The following PHYKPL variants were observed in gnomAD, a reference collection of about 807,000 sequenced individuals.
PHYKPL encodes 5-phosphohydroxy-L-lysine phospho-lyase.
A neutral mutation model predicts 51.3 loss-of-function variants in PHYKPL; 42 were observed. The ratio of observed to expected loss-of-function variants is 0.82; its 90% confidence interval spans 0.64 to 1.06. The LOEUF is 1.06. PHYKPL is among the 50% of genes least tolerant of loss of function. PHYKPL has a pLI of 0.00. For synonymous variants in PHYKPL, 264 were observed against 236.0 expected (o/e 1.12, Z -1.09); for missense variants, 655 against 586.6 (o/e 1.12, Z -1.20).
At chr5:178,211,735 G>A (rs755727273) in intron 12 of PHYKPL, 155 bp downstream of exon 12, 4 of 608,208 alleles carry the variant, frequency 6.6e-6, no homozygotes, top group African/African-American at 1.9e-5. Flanking sequence ...AAGCATTGGA[G>A]AATTTCCAGT....
Position 178,229,920 on chromosome 5 carries a change from G to A in PHYKPL, c.338+20C>T, listed in dbSNP as rs778039278. 3.8e-5 allele frequency: 61 copies of A among 1,610,132 alleles called. No homozygotes were observed. The South Asian group carries it at 6.4e-4, about 17-fold the overall frequency. ...TTACCGTCTCACCCTCTTCCCGGGG[G>A]CTGGCCACAGTCCACTTACCCAGAA... On this transcript the variant is annotated intron_variant, in intron 3 of 12. Coordinates refer to ENST00000308158, the MANE Select transcript of PHYKPL (RefSeq NM_153373.4).
chr5:178,227,337 G>A (rs1467490848), intron 3 of PHYKPL, among the ~76,000 whole-genome samples: 3 of 152,168 alleles, frequency 2.0e-5, no homozygotes, highest in Admixed American at 2.0e-4. Context: ...CCTTGGTCTT[G>A]GACTTCCAGC....
In PHYKPL at chr5:178,222,901, C is replaced by T. The variant is rs1761477790; in HGVS notation, c.652G>A (p.Val218Met). ...GCAGGGGGAATGATCTGCCCTCCCA[C>T]ACTGGGCAGAGACTCAGCGAAGAAG... ...AAFFAESLPS[V>M]GGQIIPPAGY... The change falls in exon 7 of 13, where the codon GTG (valine) becomes ATG (methionine). Residue 218 changes from valine (V) to methionine (M), a missense_variant. Coordinates refer to ENST00000308158, the MANE Select transcript of PHYKPL (RefSeq NM_153373.4). 6.2e-7 allele frequency: 1 copy of T among 1,614,084 alleles called. No individual in the cohort carries two copies. Among genetic ancestry groups the T allele is most frequent in the African/African-American group, 1.3e-5 (1 of 74,940 alleles).
chr5:178,210,358 C>T, intron 12 of PHYKPL: 1 of 1,599,242 alleles, frequency 6.3e-7, no homozygotes, highest in South Asian at 1.1e-5. Flanking sequence ...GCAGCAGGGG[C>T]TTTGGAGTCA....
At chr5:178,229,879 T>C in intron 3 of PHYKPL, 61 bp downstream of exon 3, 1 of 1,585,920 alleles carries the variant, frequency 6.3e-7, no homozygotes, top group Non-Finnish European at 8.6e-7. Flanking sequence ...TGGGCCCATG[T>C]GAGTGACTGT....
At position 178,225,413 on chromosome 5, in the gene PHYKPL, G is replaced by T; in HGVS notation, c.355C>A (p.Leu119Met). The T allele has an allele frequency of 6.2e-7, 1 of 1,614,198 alleles. No individual in the cohort carries two copies. The highest frequency in any genetic ancestry group is 8.5e-7 in the Non-Finnish European group (1 of 1,180,042). ...TAGTGGCGAGCCAGCCTCAGGGCCA[G>T]GTCATTGGCTTCTGACCTATGACCG... ...FLNSGSEAND[L>M]ALRLARHYTG... Residue 119 changes from leucine to methionine, a missense_variant, in exon 4 of 13, where the codon CTG (leucine) becomes ATG (methionine). Leu to Met is a conservative substitution (Grantham distance 15, BLOSUM62 2). Transcript: ENST00000308158.
chr5:178,218,216 C>CAAAAAAAAAAA (rs777929826), intron 8 of PHYKPL, among the ~76,000 whole-genome samples: 7 of 58,256 alleles, frequency 1.2e-4, no homozygotes, highest in Admixed American at 2.3e-4. Flanking sequence ...AACTCCGTCT[C>CAAAAAAAAAAA]AAAAAAAAAA....
chr5:178,223,592 T>G (rs970727979), intron 6 of PHYKPL: 1 of 411,062 alleles, frequency 2.4e-6, no homozygotes, highest in African/African-American at 2.1e-5. Flanking sequence ...GCAATCTCCT[T>G]TTTTAGGTTT....
intron 12 of PHYKPL, chr5:178,210,419 C>CG: frequency 6.5e-7 from 1 of 1,531,440 alleles, no homozygotes; most frequent in Non-Finnish European, 8.9e-7. Flanking sequence ...CCTTAGACTT[C>CG]GGGGTCTTAA....
intron 1 of PHYKPL, chr5:178,232,182 G>A (rs1217666660): frequency 8.1e-7 from 1 of 1,230,664 alleles, no homozygotes; most frequent in Non-Finnish European, 1.0e-6. Flanking sequence ...CTTCTCCGGA[G>A]TAAAGGCTGC....
intron 9 of PHYKPL, 145 bp downstream of exon 9, chr5:178,215,131 G>A (rs1403946804): frequency 6.6e-6 from 9 of 1,356,680 alleles, no homozygotes; most frequent in East Asian, 4.7e-5. Context: ...CAGGAGAGCC[G>A]TTTTGGGCAA....
Position 178,210,461 on chromosome 5 carries a change from G to A in PHYKPL, c.*31+1429C>T, listed in dbSNP as rs77755079. 2.3e-3 allele frequency: 3,480 copies of A among 1,492,466 alleles called. 77 individuals carry two copies. In the African/African-American group the frequency reaches 0.043, roughly 18 times the overall value. 92.5% of individuals were successfully genotyped at this position (1,492,466 alleles called of 1,614,324 possible). ...GAGGAAGGCAGTCTCTGCTGTCACG[G>A]CTGGTGAGGGTCCTGGGAAGATGCA... On this transcript the variant is annotated intron_variant, in intron 12 of 12. Transcript: ENST00000308158.
At chr5:178,226,275 C>A (rs747429958) in intron 3 of PHYKPL, among the ~76,000 whole-genome samples, 1 of 151,974 alleles carries the variant, frequency 6.6e-6, no homozygotes, top group Non-Finnish European at 1.5e-5. Context: ...CAGGGTTTCA[C>A]CATGTTGGCT....
chr5:178,231,978 T>C lies in PHYKPL; in HGVS notation c.60-455A>G, dbSNP rs1407152310. 16 of 1,217,496 alleles carry C rather than the reference T, an allele frequency of 1.3e-5. No homozygotes were observed. The Admixed American group carries it at 4.4e-4, about 33-fold the overall frequency. 75.4% of individuals were successfully genotyped at this position (1,217,496 alleles called of 1,614,324 possible). ...CCCTCGCTGGGTGCCAGCCCTAAGCTCCAGTGGGAGGCGACCTCACCCACC... is the reference window on the plus strand; with the variant it reads ...CCCTCGCTGGGTGCCAGCCCTAAGCCCCAGTGGGAGGCGACCTCACCCACC... On this transcript the variant is annotated intron_variant, in intron 1 of 12. Transcript: ENST00000308158.
intron 12 of PHYKPL, chr5:178,210,935 T>TAAAG (rs1012461534): frequency 1.2e-4 from 48 of 385,850 alleles, no homozygotes; most frequent in Non-Finnish European, 2.2e-4. Context: ...ACCCTGGTTG[T>TAAAG]AAAGAGTAAA....
In PHYKPL at chr5:178,224,442, G is replaced by T; in HGVS notation, c.618+6C>A. ...GGCTGGATTGGACAGGCGCGGACAC[G>T]GTTACCTTCCTGCCCTTCTCCTGTG... On this transcript the variant is annotated splice_donor_region_variant and intron_variant, in intron 6 of 12. Coordinates refer to ENST00000308158, the MANE Select transcript of PHYKPL (RefSeq NM_153373.4). 6.4e-7 allele frequency: 1 copy of T among 1,567,734 alleles called. No homozygotes were observed. Among genetic ancestry groups the T allele is most frequent in the Non-Finnish European group, 8.7e-7 (1 of 1,154,302 alleles).
At chr5:178,210,083 T>C in intron 12 of PHYKPL, 1 of 1,603,838 alleles carries the variant, frequency 6.2e-7, no homozygotes, top group Admixed American at 1.8e-5. Flanking sequence ...TCCTAGCTCC[T>C]GCGTATGCTA....
chr5:178,230,765 A>G (rs1763222938), intron 2 of PHYKPL: 1 of 154,192 alleles, frequency 6.5e-6, no homozygotes, highest in African/African-American at 2.4e-5. Context: ...TAACACACTT[A>G]ATTCTCCAAA....
intron 11 of PHYKPL, 137 bp from the exon 12 acceptor site, chr5:178,212,107 A>G (rs767794173): frequency 6.0e-6 from 5 of 838,756 alleles, no homozygotes; most frequent in African/African-American, 1.7e-5. Context: ...CCATTCCCCA[A>G]AGGGGTGGCA....
Sources: gnomAD v4.1 joint callset for allele counts (sites outside exome capture counted in the v4.1 genomes callset) on GRCh38, gnomAD v4.1.1 for gene constraint, MANE v1.5 for transcripts, NCBI Gene and HGNC (gene_info 2026-07-23, HGNC 2026-07-21) for gene names.